The following LDLRAD4 variants were observed in gnomAD, a reference collection of about 807,000 sequenced individuals.
The protein encoded by LDLRAD4 is low-density lipoprotein receptor class A domain-containing protein 4.
Under a neutral mutation model 17.0 loss-of-function variants are expected in LDLRAD4, and 5 were observed. The ratio of observed to expected loss-of-function variants is 0.29; its 90% CI spans 0.15 to 0.62. The LOEUF (loss-of-function observed/expected upper bound fraction) is 0.62. Among genes scored for constraint, LDLRAD4 ranks in the 20% least tolerant of loss-of-function variants. The pLI, the probability that LDLRAD4 is intolerant of heterozygous loss-of-function variation, is 0.84. For missense variants in LDLRAD4, 340 were observed against 424.7 expected, an observed-to-expected ratio of 0.80 and a Z score of 1.75; for synonymous variants, 168 against 171.8, an observed-to-expected ratio of 0.98 and a Z score of 0.17.
chr18:13,292,703 C>G (rs1262043703), intron 1 of LDLRAD4, among the ~76,000 whole-genome samples: 1 of 152,238 alleles, frequency 6.6e-6, no homozygotes, highest in Admixed American at 6.5e-5. Context: ...GCTTTCTTCA[C>G]TTAGCAGCAC....
At chr18:13,254,166 G>C (rs1057493285) in intron 1 of LDLRAD4, among the ~76,000 whole-genome samples, 2 of 152,254 alleles carry the variant, frequency 1.3e-5, no homozygotes, top group East Asian at 1.9e-4. Flanking sequence ...GAACACGGAC[G>C]GGCGGTGTCG....
intron 3 of LDLRAD4, among the ~76,000 whole-genome samples, chr18:13,454,110 C>T (rs780331368): frequency 2.6e-5 from 4 of 152,126 alleles, no homozygotes; most frequent in Non-Finnish European, 5.9e-5. Flanking sequence ...ATAAGGTGTG[C>T]TGTCTTTCTG....
chr18:13,307,555 C>T (rs1306836723), intron 1 of LDLRAD4, among the ~76,000 whole-genome samples: 1 of 152,000 alleles, frequency 6.6e-6, no homozygotes, highest in Non-Finnish European at 1.5e-5. Context: ...TAGCTGGGAC[C>T]ACAGGGCATG....
intron 4 of LDLRAD4, among the ~76,000 whole-genome samples, chr18:13,628,621 C>A (rs549063593): frequency 9.2e-5 from 14 of 152,294 alleles, no homozygotes; most frequent in Admixed American, 9.2e-4. Flanking sequence ...AAAATGAGAA[C>A]ATCTCCCTTC....
intron 3 of LDLRAD4, among the ~76,000 whole-genome samples, chr18:13,457,666 G>A (rs1450480581): frequency 4.6e-5 from 7 of 152,188 alleles, no homozygotes; most frequent in Non-Finnish European, 8.8e-5. Context: ...GCCAGGTGCC[G>A]TGGAGGAAAG....
intron 1 of LDLRAD4, among the ~76,000 whole-genome samples, chr18:13,259,050 A>T (rs1567941230): frequency 2.0e-5 from 3 of 152,366 alleles, no homozygotes; most frequent in African/African-American, 7.2e-5. Flanking sequence ...ATGACTGAGT[A>T]TTCCTGAAAC....
chr18:13,500,289 C>T (rs890597020), intron 3 of LDLRAD4, among the ~76,000 whole-genome samples: 2 of 152,208 alleles, frequency 1.3e-5, no homozygotes, highest in East Asian at 1.9e-4. Flanking sequence ...CACATTGCGT[C>T]GTCTCTCAAA....
chr18:13,507,418 A>G (rs907346001), intron 3 of LDLRAD4, among the ~76,000 whole-genome samples: 9 of 152,218 alleles, frequency 5.9e-5, no homozygotes, highest in Non-Finnish European at 1.0e-4. Context: ...AACATATGAT[A>G]CTTAGTTTTT....
intron 1 of LDLRAD4, among the ~76,000 whole-genome samples, chr18:13,253,900 C>G (rs778532503): frequency 1.1e-4 from 16 of 152,216 alleles, no homozygotes; most frequent in Non-Finnish European, 1.9e-4. Context: ...CTCACCTGCC[C>G]TCCAGGCTGG....
rs191150882 is a variant in LDLRAD4 at position 13,398,758 on chromosome 18, G to T, written c.40+10996G>T. Among the ~76,000 whole-genome samples, 1 of 152,116 alleles carries T rather than the reference G, an allele frequency of 6.6e-6. No individual in the cohort carries two copies. Among genetic ancestry groups the T allele is most frequent in the African/African-American group, 2.4e-5 (1 of 41,420 alleles). On this transcript the variant is annotated intron_variant, in intron 2 of 5. Coordinates refer to ENST00000359446, the Ensembl canonical transcript of LDLRAD4. The surrounding 1 kb of genome is among the most constrained non-coding windows in gnomAD (Gnocchi z 4.8). ...ACAGCCTCTGACCACCAGCCTGGACGTGGGGATACGTCTCTGCAGAACCAG... is the reference window on the plus strand; with the variant it reads ...ACAGCCTCTGACCACCAGCCTGGACTTGGGGATACGTCTCTGCAGAACCAG...
chr18:13,576,540 C>G (rs1166470156), intron 3 of LDLRAD4, among the ~76,000 whole-genome samples: 3 of 152,118 alleles, frequency 2.0e-5, no homozygotes, highest in Admixed American at 2.0e-4. Flanking sequence ...ACTTTTCTGG[C>G]TTTCAACACT....
intron 1 of LDLRAD4, among the ~76,000 whole-genome samples, chr18:13,377,417 C>CT (rs1199267770): frequency 1.3e-5 from 2 of 152,246 alleles, no homozygotes; most frequent in Admixed American, 6.5e-5. Flanking sequence ...TAGAGGTTAT[C>CT]TTTTTTTAGC....
chr18:13,539,851 A>G (rs1044290691), intron 3 of LDLRAD4, among the ~76,000 whole-genome samples: 1 of 152,242 alleles, frequency 6.6e-6, no homozygotes, highest in African/African-American at 2.4e-5. Flanking sequence ...AAAGAAGTGT[A>G]ACCAATGTCA....
At chr18:13,250,649 C>T (rs2043183852) in intron 1 of LDLRAD4, among the ~76,000 whole-genome samples, 1 of 152,050 alleles carries the variant, frequency 6.6e-6, no homozygotes, top group African/African-American at 2.4e-5. Context: ...TGGCTGAATT[C>T]CTGGACACAT....
chr18:13,479,969 A>G (rs752077855), intron 3 of LDLRAD4, among the ~76,000 whole-genome samples: 1 of 152,190 alleles, frequency 6.6e-6, no homozygotes, highest in Non-Finnish European at 1.5e-5. Flanking sequence ...ACTCTCATCT[A>G]TGGCGGGGGG....
At chr18:13,565,533 C>A (rs1428256195) in intron 3 of LDLRAD4, among the ~76,000 whole-genome samples, 1 of 152,264 alleles carries the variant, frequency 6.6e-6, no homozygotes, top group Non-Finnish European at 1.5e-5. Flanking sequence ...TTGGCATGAG[C>A]CGCCCTCACA....
At chr18:13,269,772 A>G (rs1034684649) in intron 1 of LDLRAD4, among the ~76,000 whole-genome samples, 1 of 152,162 alleles carries the variant, frequency 6.6e-6, no homozygotes, top group African/African-American at 2.4e-5. Flanking sequence ...TGCAGCAGGC[A>G]TGGTCTCATT....
At chr18:13,341,994 C>CAT (rs2082397270) in intron 1 of LDLRAD4, among the ~76,000 whole-genome samples, 1 of 152,006 alleles carries the variant, frequency 6.6e-6, no homozygotes, top group Admixed American at 6.6e-5. Flanking sequence ...TTGAGATGAT[C>CAT]ATATGGTGTT....
chr18:13,368,628 G>A (rs1248015780), intron 1 of LDLRAD4, among the ~76,000 whole-genome samples: 1 of 152,174 alleles, frequency 6.6e-6, no homozygotes. Context: ...CTCACAGAGT[G>A]CCTCCTGCAC....
Sources: allele counts gnomAD v4.1 joint callset (sites outside exome capture counted in the v4.1 genomes callset), GRCh38; gene constraint gnomAD v4.1.1; non-coding constraint Gnocchi (gnomAD v3.1); transcripts MANE v1.5; gene names NCBI Gene and HGNC (gene_info 2026-07-23, HGNC 2026-07-21).